ADK: variants seen among roughly 807,000 people sequenced by gnomAD.
The protein encoded by ADK is adenosine kinase, also known as N6,N6-dimethyladenosine kinase.
In ADK, 24 loss-of-function variants were observed where a neutral mutation model predicts 44.7. The observed-to-expected ratio is 0.54, with a 90% CI of 0.39 to 0.76. ADK has a LOEUF of 0.76. ADK is among the 30% of genes least tolerant of loss of function. The pLI is 0.00. For missense variants in ADK, 321 were observed against 425.1 expected (o/e 0.76, Z 2.15); for synonymous variants, 128 against 142.6 (o/e 0.90, Z 0.73).
chr10:74,395,508 A>C (rs1843477249), intron 5 of ADK, among the ~76,000 whole-genome samples: 1 of 152,124 alleles, frequency 6.6e-6, no homozygotes, highest in Non-Finnish European at 1.5e-5. Flanking sequence ...GATTACAGTA[A>C]ACATTGAAAT....
chr10:74,441,705 ACAAAATTGTATCTATAT>A (rs1344320827), intron 6 of ADK, among the ~76,000 whole-genome samples: 46 of 152,286 alleles, frequency 3.0e-4, no homozygotes, highest in African/African-American at 9.6e-4. Context: ...GCAAAATTAA[ACAAAATTGTATCTATAT>A]CAAACCAAAA....
chr10:74,616,856 T>C (rs1852778773), intron 9 of ADK, among the ~76,000 whole-genome samples: 1 of 152,158 alleles, frequency 6.6e-6, no homozygotes, highest in African/African-American at 2.4e-5. Context: ...AATCCATATT[T>C]TCCTCTATTT....
chr10:74,601,453 A>G (rs973418930), intron 9 of ADK, among the ~76,000 whole-genome samples: 1 of 152,118 alleles, frequency 6.6e-6, no homozygotes, highest in Non-Finnish European at 1.5e-5. Context: ...ATAGATATAT[A>G]TAGATCAACT....
intron 4 of ADK, among the ~76,000 whole-genome samples, chr10:74,333,311 A>G (rs1368467252): frequency 6.6e-6 from 1 of 152,204 alleles, no homozygotes; most frequent in Non-Finnish European, 1.5e-5. Flanking sequence ...AATGTATTAC[A>G]TTAGGAGGGG....
Position 74,542,191 on chromosome 10 carries a change from G to A in ADK, c.726+16765G>A, listed in dbSNP as rs530929030. Among the ~76,000 whole-genome samples the A allele has an allele frequency of 2.6e-5, 4 of 152,314 alleles. No individual in the cohort carries two copies. The South Asian group carries it at 8.3e-4, about 32-fold the overall frequency. On this transcript the variant is annotated intron_variant, in intron 7 of 10. Coordinates refer to ENST00000539909, the MANE Select transcript of ADK (RefSeq NM_006721.4). ...AGGAGGTCACATGGTGACCTTGGAA[G>A]CAAATGCTCCCTCAAACACGAGATG...
At chr10:74,392,127 G>A (rs780323920) in intron 4 of ADK, among the ~76,000 whole-genome samples, 1 of 152,092 alleles carries the variant, frequency 6.6e-6, no homozygotes, top group East Asian at 1.9e-4. Flanking sequence ...ACATGGACAT[G>A]CAAATATATC....
At chr10:74,225,811 C>T (rs980499495) in intron 3 of ADK, among the ~76,000 whole-genome samples, 3 of 151,830 alleles carry the variant, frequency 2.0e-5, no homozygotes, top group Admixed American at 6.6e-5. Flanking sequence ...TCTTTATTTC[C>T]TAGTATAGTC....
At chr10:74,431,104 G>A (rs1844979262) in intron 6 of ADK, among the ~76,000 whole-genome samples, 1 of 147,506 alleles carries the variant, frequency 6.8e-6, no homozygotes, top group East Asian at 2.0e-4. Flanking sequence ...GGCTGCCCAT[G>A]TGAGAGATGA....
intron 10 of ADK, among the ~76,000 whole-genome samples, chr10:74,699,866 T>G (rs1856353197): frequency 6.6e-6 from 1 of 152,118 alleles, no homozygotes; most frequent in Non-Finnish European, 1.5e-5. Context: ...CTGGCAAAAA[T>G]TCAAAAGCTG....
intron 6 of ADK, among the ~76,000 whole-genome samples, chr10:74,472,580 A>G (rs1353625749): frequency 6.6e-6 from 1 of 152,126 alleles, no homozygotes; most frequent in Non-Finnish European, 1.5e-5. Flanking sequence ...TTGTTCCTCT[A>G]TCACCTAATT....
intron 2 of ADK, among the ~76,000 whole-genome samples, chr10:74,210,284 C>T (rs1030287966): frequency 5.4e-5 from 8 of 146,942 alleles, no homozygotes; most frequent in Admixed American, 2.1e-4. Context: ...ACCGAGATTG[C>T]GCCACTGCAC....
intron 7 of ADK, among the ~76,000 whole-genome samples, chr10:74,588,001 C>T (rs1043363316): frequency 6.6e-6 from 1 of 151,908 alleles, no homozygotes; most frequent in Non-Finnish European, 1.5e-5. Context: ...ATTTTTAATG[C>T]TCAACTGTTT....
At chr10:74,503,750 G>A (rs1847955042) in intron 6 of ADK, among the ~76,000 whole-genome samples, 1 of 152,134 alleles carries the variant, frequency 6.6e-6, no homozygotes, top group African/African-American at 2.4e-5. Flanking sequence ...AGTTGATGGA[G>A]AAGGATTATA....
At chr10:74,400,243 A>G (rs767639308) in intron 6 of ADK, among the ~76,000 whole-genome samples, 1 of 152,174 alleles carries the variant, frequency 6.6e-6, no homozygotes. Flanking sequence ...TATCTGTGAT[A>G]CAAGTGTTAG....
chr10:74,554,799 ATTG>A (rs1355813866), intron 7 of ADK, among the ~76,000 whole-genome samples: 1 of 151,246 alleles, frequency 6.6e-6, no homozygotes, highest in African/African-American at 2.4e-5. Flanking sequence ...AAAAAAAAAA[ATTG>A]TTGTAGTGAA....
intron 1 of ADK, among the ~76,000 whole-genome samples, chr10:74,172,355 C>T (rs1842186353): frequency 6.6e-6 from 1 of 151,986 alleles, no homozygotes; most frequent in Non-Finnish European, 1.5e-5. Context: ...CCTTGGTCTC[C>T]CTCAGTGCTG....
intron 4 of ADK, among the ~76,000 whole-genome samples, chr10:74,357,586 C>T (rs1431973689): frequency 6.6e-6 from 1 of 151,958 alleles, no homozygotes; most frequent in East Asian, 1.9e-4. Context: ...CGGGCATAAG[C>T]CACCATGCCT....
At chr10:74,493,481 GAT>G (rs1190970646) in intron 6 of ADK, among the ~76,000 whole-genome samples, 2 of 150,672 alleles carry the variant, frequency 1.3e-5, no homozygotes, top group Non-Finnish European at 2.9e-5. Context: ...TATATAGAGA[GAT>G]ATATAGATAT....
intron 9 of ADK, among the ~76,000 whole-genome samples, chr10:74,657,392 G>A (rs558671842): frequency 7.2e-5 from 11 of 152,284 alleles, no homozygotes; most frequent in African/African-American, 2.4e-4. Flanking sequence ...TGTTGAAATA[G>A]CACCTCTAAA....
Sources: gnomAD v4.1 joint callset for allele counts (sites outside exome capture counted in the v4.1 genomes callset) on GRCh38, gnomAD v4.1.1 for gene constraint, MANE v1.5 for transcripts, NCBI Gene and HGNC (gene_info 2026-07-23, HGNC 2026-07-21) for gene names.